Variants in ITPR2 observed in about 807,000 individuals in gnomAD.
ITPR2 encodes inositol 1,4,5-trisphosphate-gated calcium channel ITPR2.
In ITPR2, 207 loss-of-function variants were observed where a neutral mutation model predicts 317.1. That is an observed-to-expected ratio of 0.65 (90% CI 0.58 to 0.73). ITPR2 has a LOEUF of 0.73. ITPR2 is among the 30% of genes least tolerant of loss of function. The pLI is 0.00. For synonymous variants in ITPR2, 1,156 were observed against 1,149.1 expected (o/e 1.01, Z -0.12); for missense variants, 2,613 against 3,284.0 (o/e 0.80, Z 4.99).
At chr12:26,809,762 G>A (rs1265566544) in intron 1 of ITPR2, among the ~76,000 whole-genome samples, 1 of 152,066 alleles carries the variant, frequency 6.6e-6, no homozygotes, top group Non-Finnish European at 1.5e-5. Flanking sequence ...ACCTAATCAT[G>A]AAAGAGACAA....
At chr12:26,684,355 T>C (rs77440028) in intron 11 of ITPR2, among the ~76,000 whole-genome samples, 83 of 152,314 alleles carry the variant, frequency 5.4e-4, no homozygotes, top group African/African-American at 1.9e-3. Flanking sequence ...TCTGATTTCA[T>C]TGGTCTCAGT....
intron 45 of ITPR2, among the ~76,000 whole-genome samples, chr12:26,445,215 G>C (rs565494852): frequency 6.6e-6 from 1 of 152,218 alleles, no homozygotes; most frequent in African/African-American, 2.4e-5. Context: ...CATTTACTAA[G>C]AAAAAATGTA....
intron 20 of ITPR2, among the ~76,000 whole-genome samples, chr12:26,655,354 C>A (rs1473302050): frequency 2.0e-5 from 3 of 152,112 alleles, no homozygotes; most frequent in Non-Finnish European, 4.4e-5. Context: ...GTGGCTCACA[C>A]CTGTAATCCC....
At position 26,828,366 on chromosome 12, in the gene ITPR2, T is replaced by C. The variant is rs924920071; in HGVS notation, c.92+4324A>G. On this transcript the variant is annotated intron_variant, in intron 1 of 56. Transcript: ENST00000381340. Reference sequence around the variant, plus strand: ...GTACTCCGAGGTAAAAAATAGGGAGTGCTACCCCTACATGTACCTAGATAA... The same window carrying C: ...GTACTCCGAGGTAAAAAATAGGGAGCGCTACCCCTACATGTACCTAGATAA... 5.9e-5 allele frequency among the ~76,000 whole-genome samples: 9 copies of C among 151,908 alleles called. No homozygotes were observed. In the East Asian group the frequency reaches 1.7e-3, roughly 29 times the overall value.
intron 1 of ITPR2, among the ~76,000 whole-genome samples, chr12:26,821,682 G>T (rs1220905675): frequency 6.6e-6 from 1 of 152,204 alleles, no homozygotes; most frequent in East Asian, 1.9e-4. Context: ...CTTCATCCAT[G>T]TGGGCAAAGT....
chr12:26,481,382 T>G (rs968364836), intron 42 of ITPR2, 141 bp from the exon 43 acceptor site: 4 of 579,588 alleles, frequency 6.9e-6, no homozygotes, highest in Non-Finnish European at 9.2e-6. Flanking sequence ...ATTTGACTTA[T>G]TCTTTTGTAT....
At chr12:26,348,054 T>C (rs942750604) in intron 55 of ITPR2, among the ~76,000 whole-genome samples, 1 of 152,256 alleles carries the variant, frequency 6.6e-6, no homozygotes, top group Non-Finnish European at 1.5e-5. Context: ...CTGAGCTTTA[T>C]GTTTATACTG....
intron 55 of ITPR2, among the ~76,000 whole-genome samples, chr12:26,367,586 G>A (rs1285811019): frequency 6.6e-6 from 1 of 152,086 alleles, no homozygotes; most frequent in African/African-American, 2.4e-5. Flanking sequence ...ACGCAGATAG[G>A]GAAACTAAAT....
At chr12:26,666,398 T>G (rs77865511) in intron 13 of ITPR2, among the ~76,000 whole-genome samples, 5 of 152,212 alleles carry the variant, frequency 3.3e-5, no homozygotes, top group African/African-American at 1.2e-4. Flanking sequence ...GTTTGCAGAC[T>G]ATTATCAAAT....
chr12:26,509,009 A>G (rs1250457048), intron 37 of ITPR2, among the ~76,000 whole-genome samples: 1 of 152,256 alleles, frequency 6.6e-6, no homozygotes, highest in Non-Finnish European at 1.5e-5. Context: ...TGATGACTGG[A>G]TAAACACAAT....
intron 2 of ITPR2, among the ~76,000 whole-genome samples, chr12:26,772,742 T>C (rs1349031803): frequency 6.6e-6 from 1 of 151,342 alleles, no homozygotes; most frequent in Non-Finnish European, 1.5e-5. Context: ...TTTTTTTTTC[T>C]TTTTCTTTTT....
chr12:26,480,970 C>T (rs750716468), intron 43 of ITPR2, among the ~76,000 whole-genome samples, 161 bp downstream of exon 43: 1 of 152,236 alleles, frequency 6.6e-6, no homozygotes, highest in Admixed American at 6.5e-5. Flanking sequence ...TCAAAGCTAA[C>T]TTCACATTGC....
rs1467759928 is a variant in ITPR2 at position 26,785,255 on chromosome 12, T to A, written c.163+4902A>T. 3.2e-4 allele frequency among the ~76,000 whole-genome samples: 10 copies of A among 30,964 alleles called. 3 individuals carry two copies. Among genetic ancestry groups the A allele is most frequent in the African/African-American group, 7.5e-4 (10 of 13,396 alleles). The allele number at this position is 30,964 out of a possible 152,430, so 20.3% of individuals were successfully genotyped here. ...CTGCCCGGCCGCCCCTACTGGGAAG[T>A]GAGGAGCCCCTCTGCCCGGCCAGCC... On this transcript the variant is annotated intron_variant, in intron 2 of 56. Coordinates refer to ENST00000381340, the MANE Select transcript of ITPR2 (RefSeq NM_002223.4).
intron 36 of ITPR2, among the ~76,000 whole-genome samples, chr12:26,553,542 TTTGGG>T (rs1468096313): frequency 6.6e-6 from 1 of 151,944 alleles, no homozygotes; most frequent in African/African-American, 2.4e-5. Context: ...ATCCCAGCAC[TTTGGG>T]AGGCCGATGT....
intron 37 of ITPR2, among the ~76,000 whole-genome samples, chr12:26,530,451 A>T (rs2136958416): frequency 6.6e-6 from 1 of 152,300 alleles, no homozygotes; most frequent in South Asian, 2.1e-4. Context: ...TGAGGATCAT[A>T]TTTCCCGTGA....
intron 1 of ITPR2, among the ~76,000 whole-genome samples, chr12:26,800,244 A>G (rs1301809549): frequency 1.3e-5 from 2 of 152,226 alleles, no homozygotes; most frequent in Non-Finnish European, 2.9e-5. Flanking sequence ...AAGACCAAAA[A>G]AAGTTTTATA....
chr12:26,597,156 C>G, intron 30 of ITPR2, 22 bp from the exon 31 acceptor site: 3 of 1,612,468 alleles, frequency 1.9e-6, no homozygotes, highest in Non-Finnish European at 2.5e-6. Context: ...ATAAGAGAGT[C>G]TATGTAGCAG....
At chr12:26,390,123 T>A (rs1939786974) in intron 54 of ITPR2, among the ~76,000 whole-genome samples, 1 of 152,206 alleles carries the variant, frequency 6.6e-6, no homozygotes, top group Admixed American at 6.5e-5. Context: ...TTGGTGAAGA[T>A]GTAGAGAAAT....
At chr12:26,385,409 C>A (rs1056921696) in intron 55 of ITPR2, among the ~76,000 whole-genome samples, 5 of 152,208 alleles carry the variant, frequency 3.3e-5, no homozygotes, top group African/African-American at 1.2e-4. Context: ...TTGACTTCCC[C>A]TGCTCCTCAC....
Sources: allele counts gnomAD v4.1 joint callset (sites outside exome capture counted in the v4.1 genomes callset), GRCh38; gene constraint gnomAD v4.1.1; transcripts MANE v1.5; gene names NCBI Gene and HGNC (gene_info 2026-07-23, HGNC 2026-07-21).